The following LPP variants were observed in gnomAD, a reference collection of about 807,000 sequenced individuals.
LPP encodes the protein lipoma-preferred partner.
Under a neutral mutation model 60.4 loss-of-function variants are expected in LPP, and 38 were observed. The ratio of observed to expected loss-of-function variants is 0.63; its 90% CI spans 0.49 to 0.83. LPP has a LOEUF of 0.83. LPP is among the 40% of genes least tolerant of loss of function. The probability of loss-of-function intolerance (pLI) is 0.00; values close to 1 mark genes in which losing one functional copy is unlikely to be tolerated. For synonymous variants in LPP, 328 were observed against 290.8 expected (o/e 1.13, Z -1.30); for missense variants, 902 against 783.6 (o/e 1.15, Z -1.80).
rs147585860 is a variant in LPP at position 188,408,754 on chromosome 3, G to GT, written c.193+2454dup. Among the ~76,000 whole-genome samples, 1,191 of 143,782 alleles carry GT rather than the reference G, an allele frequency of 8.3e-3. 9 individuals carry two copies. Among genetic ancestry groups the GT allele is most frequent in the African/African-American group, 0.016 (644 of 39,708 alleles). 94.3% of individuals were successfully genotyped at this position (143,782 alleles called of 152,430 possible). On this transcript the variant is annotated intron_variant, in intron 4 of 11. Coordinates refer to ENST00000617246, the MANE Select transcript of LPP (RefSeq NM_001375462.1). ...GCCTTCTTATGTAACCCTACAAAAT[G>GT]TTTTTTTTTTTTTCTTATAAAGAAA...
chr3:188,236,291 C>A (rs868136088), intron 2 of LPP, among the ~76,000 whole-genome samples: 5 of 152,036 alleles, frequency 3.3e-5, no homozygotes, highest in Non-Finnish European at 7.4e-5. Context: ...AATTCACTGG[C>A]CTGAGAAGGT....
At chr3:188,199,367 C>G (rs1035613637) in intron 1 of LPP, among the ~76,000 whole-genome samples, 6 of 152,038 alleles carry the variant, frequency 3.9e-5, no homozygotes, top group Admixed American at 2.0e-4. Context: ...TGGCCAAGTT[C>G]TGGAAGAGCA....
At chr3:188,669,486 GAA>G (rs1856513114) in intron 7 of LPP, among the ~76,000 whole-genome samples, 3 of 152,146 alleles carry the variant, frequency 2.0e-5, no homozygotes, top group Non-Finnish European at 2.9e-5. Context: ...TGAAGCAGGA[GAA>G]TGGTGTGAAC....
chr3:188,426,044 A>G (rs1181270836), intron 4 of LPP, among the ~76,000 whole-genome samples: 1 of 151,976 alleles, frequency 6.6e-6, no homozygotes, highest in Admixed American at 6.6e-5. Flanking sequence ...TTGCAACGTT[A>G]GGGTGTCGAT....
At chr3:188,253,475 CACCATTTAGTATGAAAATATCTTCTCAT>C in intron 2 of LPP, among the ~76,000 whole-genome samples, 1 of 152,112 alleles carries the variant, frequency 6.6e-6, no homozygotes, top group African/African-American at 2.4e-5. Context: ...GCTGTCTCAA[CACCATTTAGTATGAAAATATCTTCTCAT>C]ACTTCCCGTG....
At chr3:188,329,758 C>T (rs1334834437) in intron 2 of LPP, among the ~76,000 whole-genome samples, 1 of 152,110 alleles carries the variant, frequency 6.6e-6, no homozygotes, top group Non-Finnish European at 1.5e-5. Context: ...GTTGTATTTG[C>T]CAAGACACAG....
At chr3:188,628,802 A>G (rs931860407) in intron 7 of LPP, among the ~76,000 whole-genome samples, 3 of 152,166 alleles carry the variant, frequency 2.0e-5, no homozygotes, top group African/African-American at 4.8e-5. Context: ...AGAACAACCA[A>G]AAGTGAAAAC....
chr3:188,536,944 C>G (rs1321435356), intron 6 of LPP, among the ~76,000 whole-genome samples: 1 of 152,194 alleles, frequency 6.6e-6, no homozygotes, highest in Non-Finnish European at 1.5e-5. Context: ...TCTTGGCTCT[C>G]TCCGTCACCC....
chr3:188,373,718 C>T (rs1288710565), intron 3 of LPP, among the ~76,000 whole-genome samples: 14 of 152,234 alleles, frequency 9.2e-5, no homozygotes, highest in Non-Finnish European at 1.5e-4. Context: ...TTATTTAGAT[C>T]CCATTTGTCA....
intron 7 of LPP, among the ~76,000 whole-genome samples, chr3:188,640,370 G>A (rs1849809594): frequency 8.2e-6 from 1 of 121,422 alleles, no homozygotes; most frequent in Non-Finnish European, 1.7e-5. Flanking sequence ...GACTGTTGTG[G>A]GGTGGGGGGA....
intron 4 of LPP, among the ~76,000 whole-genome samples, chr3:188,451,244 G>T (rs1156891699): frequency 6.6e-6 from 1 of 152,110 alleles, no homozygotes; most frequent in African/African-American, 2.4e-5. Context: ...ATAGTAAACA[G>T]ATTCAGTCTC....
intron 6 of LPP, among the ~76,000 whole-genome samples, chr3:188,536,882 C>T (rs1414156084): frequency 6.6e-6 from 1 of 152,146 alleles, no homozygotes; most frequent in Non-Finnish European, 1.5e-5. Flanking sequence ...AAAAATGTTA[C>T]TTCTTAGATA....
At chr3:188,436,914 C>T (rs539285359) in intron 4 of LPP, among the ~76,000 whole-genome samples, 6 of 151,772 alleles carry the variant, frequency 4.0e-5, no homozygotes, top group African/African-American at 1.5e-4. Context: ...CAGGCGACTT[C>T]GATGGGGGGT....
intron 7 of LPP, among the ~76,000 whole-genome samples, chr3:188,696,163 A>G (rs1863191959): frequency 1.3e-5 from 2 of 152,114 alleles, no homozygotes; most frequent in Non-Finnish European, 2.9e-5. Context: ...ATGCCACCTC[A>G]GTTCCTCTGA....
intron 4 of LPP, among the ~76,000 whole-genome samples, chr3:188,466,834 T>TATAGATATAG (rs751884604): frequency 7.9e-6 from 1 of 126,154 alleles, no homozygotes; most frequent in Non-Finnish European, 1.6e-5. Flanking sequence ...TATATATATA[T>TATAGATATAG]ATATATATGC....
At chr3:188,591,377 CCTTT>C (rs1399482486) in intron 6 of LPP, among the ~76,000 whole-genome samples, 1 of 152,160 alleles carries the variant, frequency 6.6e-6, no homozygotes, top group East Asian at 1.9e-4. Context: ...CAGTCTAGTA[CCTTT>C]CTTAATGCAG....
chr3:188,828,862 T>C (rs1260280938), intron 9 of LPP, among the ~76,000 whole-genome samples: 1 of 152,148 alleles, frequency 6.6e-6, no homozygotes, highest in East Asian at 1.9e-4. Context: ...ATATTATATA[T>C]TGTGTTTTAG....
At chr3:188,660,204 G>A (rs1398621525) in intron 7 of LPP, among the ~76,000 whole-genome samples, 1 of 151,992 alleles carries the variant, frequency 6.6e-6, no homozygotes, top group Non-Finnish European at 1.5e-5. Context: ...ATGCTCCTAA[G>A]GCCACCAATC....
intron 6 of LPP, among the ~76,000 whole-genome samples, chr3:188,575,191 G>A (rs1020243425): frequency 6.6e-6 from 1 of 152,196 alleles, no homozygotes. Context: ...GTATAACAAC[G>A]TAGTTTTACA....
Sources: gnomAD v4.1 joint callset for allele counts (sites outside exome capture counted in the v4.1 genomes callset) on GRCh38, gnomAD v4.1.1 for gene constraint, MANE v1.5 for transcripts, NCBI Gene and HGNC (gene_info 2026-07-23, HGNC 2026-07-21) for gene names.